WDR70: variants seen among roughly 807,000 people sequenced by gnomAD.
WDR70 encodes the protein WD repeat domain 70.
WDR70 carries 53 observed loss-of-function variants against 88.6 expected under a neutral mutation model. The ratio of observed to expected loss-of-function variants is 0.60; its 90% CI spans 0.48 to 0.75. The LOEUF is 0.75. WDR70 is among the 30% of genes least tolerant of loss of function. The pLI, the probability that WDR70 is intolerant of heterozygous loss-of-function variation, is 0.00. For synonymous variants in WDR70, 280 were observed against 270.0 expected, an observed-to-expected ratio of 1.04 and a Z score of -0.36; for missense variants, 610 against 823.2, an observed-to-expected ratio of 0.74 and a Z score of 3.17.
At chr5:37,632,804 A>G (rs1008115087) in intron 10 of WDR70, among the ~76,000 whole-genome samples, 7 of 152,214 alleles carry the variant, frequency 4.6e-5, no homozygotes, top group African/African-American at 1.7e-4. Flanking sequence ...TATAAAGTGT[A>G]CAATAGTGTA....
chr5:37,711,473 A>C (rs1288978966), intron 13 of WDR70, among the ~76,000 whole-genome samples: 1 of 152,072 alleles, frequency 6.6e-6, no homozygotes, highest in African/African-American at 2.4e-5. Flanking sequence ...TCACATTCTC[A>C]TGTTTAGAGC....
chr5:37,500,287 G>A (rs1187282679), intron 8 of WDR70, among the ~76,000 whole-genome samples: 1 of 152,012 alleles, frequency 6.6e-6, no homozygotes, highest in East Asian at 1.9e-4. Context: ...TTTATGGCTG[G>A]GTATTTTTTC....
intron 10 of WDR70, among the ~76,000 whole-genome samples, chr5:37,631,515 G>A (rs1744817647): frequency 6.6e-6 from 1 of 152,136 alleles, no homozygotes; most frequent in Non-Finnish European, 1.5e-5. Flanking sequence ...TGTTATTAAT[G>A]CTTTTCAATG....
At chr5:37,596,085 C>A (rs941137168) in intron 9 of WDR70, among the ~76,000 whole-genome samples, 16 of 152,134 alleles carry the variant, frequency 1.1e-4, no homozygotes, top group Middle Eastern at 3.2e-3. Flanking sequence ...AACTTAATCG[C>A]TTAACATTAC....
At chr5:37,482,069 A>T (rs2112162567) in intron 8 of WDR70, among the ~76,000 whole-genome samples, 1 of 152,242 alleles carries the variant, frequency 6.6e-6, no homozygotes, top group African/African-American at 2.4e-5. Flanking sequence ...CTCTGCCTGG[A>T]CCTTATTGTC....
In WDR70 at chr5:37,748,737, C is replaced by T. The variant is rs145727764; in HGVS notation, c.1878-3749C>T. 2.0e-3 allele frequency among the ~76,000 whole-genome samples: 304 copies of T among 152,172 alleles called. 1 individual carries two copies. Among genetic ancestry groups the T allele is most frequent in the African/African-American group, 6.9e-3 (285 of 41,512 alleles). ...ACCGATCTGACAAAGGTCTAATATC[C>T]AGAATTTACAAGGAACTTAAACATA... On this transcript the variant is annotated intron_variant, in intron 17 of 17. Coordinates refer to ENST00000265107, the MANE Select transcript of WDR70 (RefSeq NM_018034.4).
chr5:37,581,278 A>C (rs1409869280), intron 9 of WDR70, among the ~76,000 whole-genome samples: 1 of 152,120 alleles, frequency 6.6e-6, no homozygotes, highest in East Asian at 1.9e-4. Context: ...CAGTATCCTG[A>C]ACAATAAACA....
At chr5:37,602,994 A>G (rs1743932328) in intron 9 of WDR70, among the ~76,000 whole-genome samples, 1 of 152,188 alleles carries the variant, frequency 6.6e-6, no homozygotes, top group South Asian at 2.1e-4. Context: ...TAAAAAAAAT[A>G]AAAGGACACA....
chr5:37,730,852 T>G (rs142233814), intron 17 of WDR70, among the ~76,000 whole-genome samples: 130 of 152,300 alleles, frequency 8.5e-4, no homozygotes, highest in African/African-American at 3.1e-3. Flanking sequence ...CTCTACTCAT[T>G]ATTCGGCGCT....
At position 37,634,319 on chromosome 5, in the gene WDR70, AAG is replaced by A. The variant is rs1491491064; in HGVS notation, c.1092+29083_1092+29084del. Among the ~76,000 whole-genome samples the A allele has an allele frequency of 1.6e-4, 25 of 151,966 alleles. 1 individual carries two copies. Among genetic ancestry groups the A allele is most frequent in the Admixed American group, 1.6e-3 (25 of 15,272 alleles). ...GTCTCAAAAAAAAAAAAAGAAAAAA[AAG>A]AAAAAAAAAAACCTAGTGCATATTT... is the stretch of plus-strand genomic sequence containing the variant. On this transcript the variant is annotated intron_variant, in intron 10 of 17. Coordinates refer to ENST00000265107, the MANE Select transcript of WDR70 (RefSeq NM_018034.4).
intron 7 of WDR70, among the ~76,000 whole-genome samples, chr5:37,460,848 G>A (rs1225264637): frequency 6.6e-6 from 1 of 151,872 alleles, no homozygotes; most frequent in Non-Finnish European, 1.5e-5. Context: ...AAAGGTTCTT[G>A]AACTTGGTGT....
intron 3 of WDR70, among the ~76,000 whole-genome samples, chr5:37,385,031 A>C (rs1366768159): frequency 6.6e-6 from 1 of 152,190 alleles, no homozygotes; most frequent in Admixed American, 6.6e-5. Flanking sequence ...GCTCACAGGG[A>C]AACACTTTAC....
chr5:37,541,054 A>G (rs989254046), intron 9 of WDR70, among the ~76,000 whole-genome samples: 9 of 152,210 alleles, frequency 5.9e-5, no homozygotes, highest in African/African-American at 2.2e-4. Flanking sequence ...TAAGTAAGAA[A>G]CACAGAAATT....
intron 7 of WDR70, among the ~76,000 whole-genome samples, chr5:37,463,272 G>GAAAAA (rs55961268): frequency 6.9e-6 from 1 of 144,462 alleles, no homozygotes; most frequent in Non-Finnish European, 1.5e-5. Flanking sequence ...ATTCTGTATC[G>GAAAAA]AAAAAAAAAA....
chr5:37,469,574 G>A (rs889959609), intron 7 of WDR70, among the ~76,000 whole-genome samples: 19 of 152,198 alleles, frequency 1.2e-4, no homozygotes, highest in African/African-American at 4.6e-4. Flanking sequence ...ATTTAATTGG[G>A]AGTAACAGAA....
At chr5:37,562,585 G>A (rs1581395238) in intron 9 of WDR70, among the ~76,000 whole-genome samples, 1 of 152,148 alleles carries the variant, frequency 6.6e-6, no homozygotes, top group Non-Finnish European at 1.5e-5. Context: ...AGGACCCTGC[G>A]GCCTTCCGGC....
At chr5:37,532,909 T>C (rs1167899243) in intron 9 of WDR70, among the ~76,000 whole-genome samples, 1 of 152,194 alleles carries the variant, frequency 6.6e-6, no homozygotes, top group Non-Finnish European at 1.5e-5. Flanking sequence ...AGGGAAGATC[T>C]GGGATTCAAG....
intron 9 of WDR70, among the ~76,000 whole-genome samples, chr5:37,579,582 C>CAAAAAAAAAAAAAAAA (rs201135421): frequency 3.6e-5 from 3 of 82,732 alleles, no homozygotes; most frequent in Non-Finnish European, 4.8e-5. Context: ...GACTCTGTCT[C>CAAAAAAAAAAAAAAAA]AAAAAAAAAA....
At chr5:37,626,922 C>G (rs749009386) in intron 10 of WDR70, among the ~76,000 whole-genome samples, 77 of 152,016 alleles carry the variant, frequency 5.1e-4, no homozygotes, top group Admixed American at 2.0e-3. Context: ...GTTCATAGTA[C>G]TCTCTAATGA....
Sources: allele counts gnomAD v4.1 joint callset (sites outside exome capture counted in the v4.1 genomes callset), GRCh38; gene constraint gnomAD v4.1.1; transcripts MANE v1.5; gene names NCBI Gene and HGNC (gene_info 2026-07-23, HGNC 2026-07-21).